The following PHTF2 variants were observed in gnomAD, a reference collection of about 807,000 sequenced individuals.
PHTF2 encodes the protein protein PHTF2.
PHTF2 carries 60 observed loss-of-function variants against 101.2 expected under a neutral mutation model. The ratio of observed to expected loss-of-function variants is 0.59; its 90% CI spans 0.48 to 0.73. The LOEUF (loss-of-function observed/expected upper bound fraction) is 0.73, where lower values mean the gene tolerates loss of function less well. PHTF2 is among the 30% of genes least tolerant of loss of function. The pLI is 0.00. For missense variants in PHTF2, 747 were observed against 908.7 expected, an observed-to-expected ratio of 0.82 and a Z score of 2.29; for synonymous variants, 311 against 307.3, an observed-to-expected ratio of 1.01 and a Z score of -0.13.
chr7:77,895,977 A>T (rs1371469685), intron 5 of PHTF2: 1 of 152,174 alleles, frequency 6.6e-6, no homozygotes, highest in Non-Finnish European at 1.5e-5. Context: ...CCACTATTGC[A>T]CTTGACTAGT....
At chr7:77,820,208 G>A (rs1384539540) in intron 1 of PHTF2, among the ~76,000 whole-genome samples, 1 of 152,064 alleles carries the variant, frequency 6.6e-6, no homozygotes, top group African/African-American at 2.4e-5. Flanking sequence ...TTTTATTACT[G>A]ATTCAATCTG....
In PHTF2 at chr7:77,804,348, G is replaced by A. The variant is rs950770572; in HGVS notation, c.-36+5377G>A. Among the ~76,000 whole-genome samples the A allele has an allele frequency of 3.9e-5, 6 of 151,982 alleles. 1 individual carries two copies. Among genetic ancestry groups the A allele is most frequent in the Non-Finnish European group, 7.4e-5 (5 of 68,000 alleles). ...TTTTGTTTGTTTGTTTGTTTGATAC[G>A]GAGTTTTGCTCTTGTTGCCCAGGCG... On this transcript the variant is annotated intron_variant, in intron 1 of 19. Coordinates refer to ENST00000416283, the Ensembl canonical transcript of PHTF2.
At chr7:77,951,358 G>C (rs535091497) in intron 17 of PHTF2, among the ~76,000 whole-genome samples, 1 of 152,002 alleles carries the variant, frequency 6.6e-6, no homozygotes, top group African/African-American at 2.4e-5. Context: ...ATTTGGCTCC[G>C]ATAATAAAGT....
At chr7:77,855,421 G>C (rs1001540748) in intron 3 of PHTF2, among the ~76,000 whole-genome samples, 5 of 152,192 alleles carry the variant, frequency 3.3e-5, no homozygotes, top group Admixed American at 6.5e-5. Flanking sequence ...TCCCAGAGCT[G>C]TGAGCTGCAC....
intron 3 of PHTF2, among the ~76,000 whole-genome samples, chr7:77,859,564 C>CTT (rs34014317): frequency 7.7e-4 from 102 of 131,620 alleles, no homozygotes; most frequent in African/African-American, 2.8e-3. Context: ...TTTCTTTCTT[C>CTT]TTTTTTTTTT....
At chr7:77,906,087 A>G (rs1310416333) in intron 7 of PHTF2, among the ~76,000 whole-genome samples, 1 of 152,120 alleles carries the variant, frequency 6.6e-6, no homozygotes, top group Non-Finnish European at 1.5e-5. Flanking sequence ...TCCCAGGTTC[A>G]AGCAGTTCTT....
In PHTF2 at chr7:77,937,674, G is replaced by T. The variant is rs2428941; in HGVS notation, c.1339-36G>T. The T allele has an allele frequency of 6.0e-6, 5 of 827,292 alleles. No homozygotes were observed. In the African/African-American group the frequency reaches 9.1e-5, roughly 15 times the overall value. The allele number at this position is 827,292 out of a possible 1,614,324, so 51.2% of individuals were successfully genotyped here. ...TACACACATTTTATTTATTAAATGTGATCTATATATTTACTAATTTTTTTT... is the reference window on the plus strand; with the variant it reads ...TACACACATTTTATTTATTAAATGTTATCTATATATTTACTAATTTTTTTT... On this transcript the variant is annotated intron_variant, in intron 12 of 19. Coordinates refer to ENST00000416283, the Ensembl canonical transcript of PHTF2.
Position 77,905,497 on chromosome 7 carries a change from G to T in PHTF2, c.446-3296G>T, listed in dbSNP as rs555647294. 7.3e-5 allele frequency among the ~76,000 whole-genome samples: 11 copies of T among 151,022 alleles called. No individual in the cohort carries two copies. The South Asian group carries it at 8.4e-4, about 12-fold the overall frequency. On this transcript the variant is annotated intron_variant, in intron 7 of 19. Coordinates refer to ENST00000416283, the Ensembl canonical transcript of PHTF2. ...TCCTCCCACTTCACCCTCTTAAAGT[G>T]CTGGGATTACAGTTGTCAGCCACCA...
chr7:77,844,640 T>C (rs2150591941), intron 2 of PHTF2, among the ~76,000 whole-genome samples: 1 of 152,364 alleles, frequency 6.6e-6, no homozygotes, highest in East Asian at 1.9e-4. Context: ...TTCTCCTGCC[T>C]CAGCCTCCCC....
intron 1 of PHTF2, among the ~76,000 whole-genome samples, chr7:77,811,422 G>A (rs1403368695): frequency 6.6e-6 from 1 of 152,142 alleles, no homozygotes; most frequent in Non-Finnish European, 1.5e-5. Context: ...AATTATGTTA[G>A]TATCCTACTA....
intron 1 of PHTF2, among the ~76,000 whole-genome samples, chr7:77,836,373 G>A (rs769771125): frequency 6.6e-6 from 1 of 152,044 alleles, no homozygotes. Context: ...GCGGACCAGC[G>A]CAGCTTACCC....
intron 12 of PHTF2, among the ~76,000 whole-genome samples, chr7:77,932,615 AGAGAGAGT>A (rs1358695597): frequency 8.7e-6 from 1 of 114,458 alleles, no homozygotes; most frequent in African/African-American, 3.7e-5. Flanking sequence ...AGAGAGAGAG[AGAGAGAGT>A]GTGTGTGTGT....
At chr7:77,953,482 T>C (rs994037605) in intron 18 of PHTF2, among the ~76,000 whole-genome samples, 3 of 152,224 alleles carry the variant, frequency 2.0e-5, no homozygotes, top group African/African-American at 7.2e-5. Context: ...CTAGTTCTTA[T>C]ATTAAAAAAT....
intron 3 of PHTF2, among the ~76,000 whole-genome samples, chr7:77,887,307 G>A (rs1799948226): frequency 6.6e-6 from 1 of 151,184 alleles, no homozygotes; most frequent in African/African-American, 2.4e-5. Context: ...TATTCATTTA[G>A]TTGAATTTTC....
chr7:77,814,527 T>G (rs1793695854), intron 1 of PHTF2, among the ~76,000 whole-genome samples: 2 of 151,478 alleles, frequency 1.3e-5, no homozygotes, highest in South Asian at 4.2e-4. Flanking sequence ...TTTTTTTTTT[T>G]TTTGAGACAG....
Position 77,920,409 on chromosome 7 carries a change from A to G in PHTF2, c.907A>G (p.Ile303Val), listed in dbSNP as rs763733718. ...AAACCATGAACCTCAGTGTGAAACTATTCGACCAGAAGAGACAGCCTGGAA... is the reference window on the plus strand; with the variant it reads ...AAACCATGAACCTCAGTGTGAAACTGTTCGACCAGAAGAGACAGCCTGGAA... Residue 303 changes from isoleucine (I) to valine (V), a missense_variant, in exon 10 of 20, where the codon ATT becomes GTT. Ile to Val is a conservative substitution (Grantham distance 29). Around this residue, in one of 6 missense-constraint regions of PHTF2, gnomAD observed 349 missense variants for 369.7 expected, o/e 0.94. Transcript: ENST00000416283. 62 of 1,613,624 alleles carry G rather than the reference A, an allele frequency of 3.8e-5. No homozygotes were observed. The highest frequency in any genetic ancestry group is 1.6e-4 in the Middle Eastern group (1 of 6,084).
At chr7:77,951,757 C>G in intron 18 of PHTF2, 45 bp downstream of exon 17, 2 of 788,830 alleles carry the variant, frequency 2.5e-6, no homozygotes, top group East Asian at 6.0e-5. Context: ...ATATGCTGTT[C>G]TGACATAATT....
In PHTF2 at chr7:77,897,027, A is replaced by AT. The variant is rs576103996; in HGVS notation, c.216+3040dup. ...TTAGAAATTATAACTAAAAACTTTGATTTTTTCTGATTACCGTGACCAAAA... is the reference window on the plus strand; with the variant it reads ...TTAGAAATTATAACTAAAAACTTTGATTTTTTTCTGATTACCGTGACCAAAA... On this transcript the variant is annotated intron_variant, in intron 5 of 19. Transcript: ENST00000416283. Among the ~76,000 whole-genome samples the AT allele has an allele frequency of 3.9e-5, 6 of 152,228 alleles. No homozygotes were observed. In the East Asian group the frequency reaches 9.6e-4, roughly 24 times the overall value.
At chr7:77,870,656 A>C (rs1584543364) in intron 3 of PHTF2, among the ~76,000 whole-genome samples, 1 of 152,302 alleles carries the variant, frequency 6.6e-6, no homozygotes, top group Non-Finnish European at 1.5e-5. Flanking sequence ...ACCCAGGATC[A>C]AAACTTTGTA....
Sources: gnomAD v4.1 joint callset for allele counts (sites outside exome capture counted in the v4.1 genomes callset) on GRCh38, gnomAD v4.1.1 for gene constraint, gnomAD v4.1.1 regional missense constraint, MANE v1.5 for transcripts, NCBI Gene and HGNC (gene_info 2026-07-23, HGNC 2026-07-21) for gene names.